The following CCDC91 variants were observed in gnomAD, a reference collection of about 807,000 sequenced individuals.
CCDC91 encodes the protein coiled-coil domain containing 91, also known as coiled-coil domain-containing protein 91.
CCDC91 carries 48 observed loss-of-function variants against 63.2 expected under a neutral mutation model. That is an observed-to-expected ratio of 0.76 (90% CI 0.60 to 0.97). The LOEUF is 0.97. CCDC91 is among the 50% of genes least tolerant of loss of function. The probability of loss-of-function intolerance (pLI) is 0.00; values close to 1 mark genes in which losing one functional copy is unlikely to be tolerated. For synonymous variants in CCDC91, 167 were observed against 165.8 expected (o/e 1.01, Z -0.06); for missense variants, 500 against 494.6 (o/e 1.01, Z -0.10).
At chr12:28,544,324 A>G (rs1201090031) in intron 12 of CCDC91, among the ~76,000 whole-genome samples, 1 of 151,650 alleles carries the variant, frequency 6.6e-6, no homozygotes, top group Non-Finnish European at 1.5e-5. Context: ...TTCTTTCCCC[A>G]TGTTTTTAGA....
At chr12:28,192,711 C>G (rs1350055287) in intron 1 of CCDC91, among the ~76,000 whole-genome samples, 1 of 152,008 alleles carries the variant, frequency 6.6e-6, no homozygotes, top group Non-Finnish European at 1.5e-5. Flanking sequence ...TGGTTTAGCT[C>G]ATTTAAACTG....
chr12:28,193,609 A>G (rs1472021013), intron 1 of CCDC91, among the ~76,000 whole-genome samples: 1 of 151,044 alleles, frequency 6.6e-6, no homozygotes, highest in African/African-American at 2.4e-5. Flanking sequence ...CAAAAACAAA[A>G]AAAAAAAAAA....
At chr12:28,282,470 A>G (rs953176279) in intron 3 of CCDC91, among the ~76,000 whole-genome samples, 9 of 152,168 alleles carry the variant, frequency 5.9e-5, no homozygotes, top group Admixed American at 2.0e-4. Flanking sequence ...GTGGTATTCC[A>G]TGGTGTATAT....
At chr12:28,252,709 A>G (rs868070529) in intron 1 of CCDC91, among the ~76,000 whole-genome samples, 11 of 149,986 alleles carry the variant, frequency 7.3e-5, no homozygotes, top group African/African-American at 2.5e-4. Context: ...GTCTTTGTTT[A>G]TTTCATCCTA....
chr12:28,483,978 T>C, intron 11 of CCDC91, 74 bp from the exon 12 acceptor site: 1 of 775,522 alleles, frequency 1.3e-6, no homozygotes. Context: ...AGAGGATGTT[T>C]AGTTTATATG....
At chr12:28,237,638 G>T (rs1945055691) in intron 1 of CCDC91, among the ~76,000 whole-genome samples, 1 of 152,130 alleles carries the variant, frequency 6.6e-6, no homozygotes, top group Non-Finnish European at 1.5e-5. Flanking sequence ...CCTCCAGAGG[G>T]AGCCAGCCTT....
At chr12:28,338,337 A>C (rs1225125484) in intron 6 of CCDC91, among the ~76,000 whole-genome samples, 1 of 141,160 alleles carries the variant, frequency 7.1e-6, no homozygotes, top group South Asian at 2.2e-4. Flanking sequence ...TTATTATTAT[A>C]CTTTAAGTTC....
chr12:28,324,368 G>C (rs1276138107), intron 6 of CCDC91, among the ~76,000 whole-genome samples: 3 of 151,734 alleles, frequency 2.0e-5, no homozygotes, highest in African/African-American at 7.3e-5. Context: ...AAGTGGGGAG[G>C]GGGACTGTCA....
At chr12:28,300,436 C>G (rs1322797148) in intron 3 of CCDC91, among the ~76,000 whole-genome samples, 1 of 151,372 alleles carries the variant, frequency 6.6e-6, no homozygotes. Flanking sequence ...CTGTTAATTG[C>G]TGTGCCAAAT....
intron 1 of CCDC91, among the ~76,000 whole-genome samples, chr12:28,227,574 C>A (rs1272525516): frequency 6.6e-6 from 1 of 152,036 alleles, no homozygotes; most frequent in Non-Finnish European, 1.5e-5. Flanking sequence ...ACCTCATCTA[C>A]TTCATTTTAT....
At chr12:28,228,932 T>C (rs1407488386) in intron 1 of CCDC91, among the ~76,000 whole-genome samples, 1 of 152,178 alleles carries the variant, frequency 6.6e-6, no homozygotes, top group African/African-American at 2.4e-5. Flanking sequence ...AACAATACAT[T>C]ATGTACATTA....
intron 11 of CCDC91, among the ~76,000 whole-genome samples, chr12:28,465,425 C>G (rs1159060177): frequency 6.6e-6 from 1 of 152,170 alleles, no homozygotes; most frequent in African/African-American, 2.4e-5. Flanking sequence ...AGGTCTGACC[C>G]AGCACAGTCC....
intron 3 of CCDC91, among the ~76,000 whole-genome samples, chr12:28,286,341 T>C (rs1398219118): frequency 2.0e-5 from 3 of 152,148 alleles, no homozygotes; most frequent in African/African-American, 7.2e-5. Flanking sequence ...CCATTAGTTA[T>C]TTTTCCTGAT....
At chr12:28,259,049 A>G (rs1341890753) in intron 2 of CCDC91, among the ~76,000 whole-genome samples, 1 of 151,998 alleles carries the variant, frequency 6.6e-6, no homozygotes, top group Non-Finnish European at 1.5e-5. Flanking sequence ...GTGGTAAGTT[A>G]AGTTAAAATA....
chr12:28,394,242 C>G (rs542903369), intron 8 of CCDC91, among the ~76,000 whole-genome samples: 11 of 152,098 alleles, frequency 7.2e-5, no homozygotes, highest in South Asian at 2.1e-4. Context: ...CACGGCGGGC[C>G]GATCACAAGG....
intron 2 of CCDC91, among the ~76,000 whole-genome samples, chr12:28,258,900 C>G (rs1946635679): frequency 1.3e-5 from 2 of 151,888 alleles, no homozygotes; most frequent in Admixed American, 6.6e-5. Flanking sequence ...GCTATTAACT[C>G]TAGGTAGTAT....
intron 3 of CCDC91, among the ~76,000 whole-genome samples, chr12:28,269,127 T>C (rs1447742316): frequency 6.6e-6 from 1 of 152,156 alleles, no homozygotes. Flanking sequence ...TTGTTGCTAA[T>C]GTGTATTTTA....
intron 6 of CCDC91, among the ~76,000 whole-genome samples, chr12:28,346,546 G>A (rs1942825565): frequency 6.6e-6 from 1 of 151,974 alleles, no homozygotes; most frequent in South Asian, 2.1e-4. Context: ...TTTAGTTATG[G>A]GAAATTTATT....
chr12:28,377,906 C>CT (rs1466882878), intron 7 of CCDC91, among the ~76,000 whole-genome samples: 1 of 151,910 alleles, frequency 6.6e-6, no homozygotes, highest in Admixed American at 6.6e-5. Context: ...TTGAATAGTA[C>CT]TTATAAATAC....
Sources: gnomAD v4.1 joint callset for allele counts (sites outside exome capture counted in the v4.1 genomes callset) on GRCh38, gnomAD v4.1.1 for gene constraint, MANE v1.5 for transcripts, NCBI Gene and HGNC (gene_info 2026-07-23, HGNC 2026-07-21) for gene names.